Variants in JRK observed in about 807,000 individuals in gnomAD.
The protein encoded by JRK is Jrk helix-turn-helix protein, also known as jerky protein homolog.
For missense variants in JRK, 720 were observed against 509.2 expected, an observed-to-expected ratio of 1.41 and a Z score of -3.98; for synonymous variants, 303 against 218.1, an observed-to-expected ratio of 1.39 and a Z score of -3.43.
intron 1 of JRK, among the ~76,000 whole-genome samples, chr8:142,669,476 C>T (rs1206593099): frequency 6.6e-6 from 1 of 152,158 alleles, no homozygotes; most frequent in Non-Finnish European, 1.5e-5. Context: ...ACCCCAGGGT[C>T]CCCGTTTGTG....
rs185927639 is a variant in JRK at position 142,668,653 on chromosome 8, G to T, written c.-463+1279C>A. Among the ~76,000 whole-genome samples, 11 of 151,770 alleles carry T rather than the reference G, an allele frequency of 7.2e-5. No homozygotes were observed. The East Asian group carries it at 2.2e-3, about 30-fold the overall frequency. ...GACTCAACACCAGACACAGCTCCTC[G>T]CGGACACGTCTCCATGCCTGACATG... On this transcript the variant is annotated intron_variant, in intron 1 of 1. Coordinates refer to ENST00000612905, the MANE Select transcript of JRK (RefSeq NM_003724.4).
rs782738028 is a variant in JRK at position 142,665,850 on chromosome 8, T to G, written c.209A>C (p.Asp70Ala). Residue 70 changes from aspartate (D) to alanine (A), a missense_variant, in exon 2 of 2, where the codon GAC (aspartate) becomes GCC (alanine). Physicochemically the swap from Asp to Ala is moderately radical, Grantham distance 126. Coordinates refer to ENST00000612905, the MANE Select transcript of JRK (RefSeq NM_003724.4). The part of the protein sequence containing the change: ...AQLLRFFASS[D>A]SNKALEQRRT... ...CCGCTGCTCCAGCGCCTTGTTGGAG[T>G]CGGAGCTGGCGAAGAACCGGAGCAG... 1.8e-5 allele frequency: 14 copies of G among 779,842 alleles called. No homozygotes were observed. Among genetic ancestry groups the G allele is most frequent in the African/African-American group, 1.7e-4 (10 of 59,142 alleles). The allele number at this position is 779,842 out of a possible 1,614,324, so 48.3% of individuals were successfully genotyped here. A position where few individuals can be genotyped will look rare whatever the true frequency, so the allele number is the denominator to read the frequency against.
intron 1 of JRK, among the ~76,000 whole-genome samples, chr8:142,669,611 G>A (rs1554636944): frequency 6.6e-6 from 1 of 152,102 alleles, no homozygotes; most frequent in Non-Finnish European, 1.5e-5. Flanking sequence ...GGAAGCGCAG[G>A]AAGGGTCCGG....
In JRK at chr8:142,664,154, A is replaced by C; in HGVS notation, c.*198T>G. On this transcript the variant is annotated 3_prime_UTR_variant, in exon 2 of 2. Coordinates refer to ENST00000612905, the MANE Select transcript of JRK (RefSeq NM_003724.4). Reference sequence around the variant, plus strand: ...CGGATGACACGGCAAGTGATAAAATAAAACCTGTATTGACAGGAACCTCGG... The same window carrying C: ...CGGATGACACGGCAAGTGATAAAATCAAACCTGTATTGACAGGAACCTCGG... 3.7e-6 allele frequency: 5 copies of C among 1,340,080 alleles called. No individual in the cohort carries two copies. Among genetic ancestry groups the C allele is most frequent in the East Asian group, 5.5e-5 (2 of 36,602 alleles). 83.0% of individuals were successfully genotyped at this position (1,340,080 alleles called of 1,614,324 possible).
Position 142,659,667 on chromosome 8 carries a change from A to T in JRK, c.*4685T>A, listed in dbSNP as rs938762658. 1.7e-5 allele frequency: 17 copies of T among 985,590 alleles called. No individual in the cohort carries two copies. Among genetic ancestry groups the T allele is most frequent in the Non-Finnish European group, 2.0e-5 (17 of 830,030 alleles). The allele number at this position is 985,590 out of a possible 1,614,324, so 61.1% of individuals were successfully genotyped here. ...ACTGAAAGGAGGTTCAAGGCCTCAA[A>T]CAAGAGTGGCCCCTAAAACAGTTGG... On this transcript the variant is annotated 3_prime_UTR_variant, in exon 2 of 2. Coordinates refer to ENST00000612905, the MANE Select transcript of JRK (RefSeq NM_003724.4).
the JRK span, among the ~76,000 whole-genome samples, chr8:142,645,689 A>AT: frequency 2.9e-5 from 3 of 105,218 alleles, no homozygotes; most frequent in African/African-American, 8.4e-5. Flanking sequence ...CAGAAAAAAA[A>AT]AATATATATA....
At position 142,665,686 on chromosome 8, in the gene JRK, G is replaced by A. The variant is rs868935116; in HGVS notation, c.373C>T (p.Leu125Phe). ...KAKDFYEQMQ[L>F]TEPCVFSGGW... ...CCGGAGAACACGCAGGGCTCAGTGA[G>A]CTGCATCTGCTCGTAGAAGTCCTTG... The change falls in exon 2 of 2, where the codon CTC (leucine) becomes TTC (phenylalanine). Residue 125 changes from leucine (L) to phenylalanine (F), a missense_variant. Transcript: ENST00000612905. The A allele has an allele frequency of 1.4e-6, 1 of 734,726 alleles. No individual in the cohort carries two copies. Among genetic ancestry groups the A allele is most frequent in the Non-Finnish European group, 2.5e-6 (1 of 394,282 alleles). The allele number at this position is 734,726 out of a possible 1,614,324, so 45.5% of individuals were successfully genotyped here.
At chr8:142,645,193 G>C in the JRK span, among the ~76,000 whole-genome samples, 83,379 of 151,910 alleles carry the variant, frequency 0.55, 24,206 homozygotes, top group Admixed American at 0.66. Flanking sequence ...AGCAGGACTT[G>C]GTGTTCTTTT....
chr8:142,669,562 A>G (rs1168951694), intron 1 of JRK, among the ~76,000 whole-genome samples: 3 of 152,202 alleles, frequency 2.0e-5, no homozygotes, highest in Non-Finnish European at 4.4e-5. Flanking sequence ...CTGGTTTTTT[A>G]AGGGCAAGCG....
Position 142,664,685 on chromosome 8 carries a change from TGGCGACGTGGCAGCAG to T in JRK, c.1358_1373del (p.Pro453GlnfsTer71). The T allele has an allele frequency of 1.2e-6, 2 of 1,610,480 alleles. No homozygotes were observed. The highest frequency in any genetic ancestry group is 1.7e-6 in the Non-Finnish European group (2 of 1,178,802). On this transcript the variant is annotated frameshift_variant, in exon 2 of 2. Transcript: ENST00000612905. LOFTEE classifies it low-confidence loss of function (END_TRUNC). ...TTTCTGAACTCCACACAACCTCTGC[TGGCGACGTGGCAGCAG>T]GGGGCCGTCCCCCTTCTGCCTCCCT...
rs1179550912 is a variant in JRK, at chr8:142,664,408, A to T, written c.1651T>A (p.Cys551Ser). The change falls in exon 2 of 2, where the codon TGT becomes AGT. Residue 551 changes from cysteine (C) to serine (S), a missense_variant. Coordinates refer to ENST00000612905, the MANE Select transcript of JRK (RefSeq NM_003724.4). ...AAGGGAGACTGAGCTGTGGCCCCAC[A>T]GCCACCAGGGCCCTCCTGGAGGGCT... ...VEALQEGPGG[C>S]GATAQSPLPC... The T allele has an allele frequency of 1.3e-6, 2 of 1,599,464 alleles. No homozygotes were observed. Among genetic ancestry groups the T allele is most frequent in the East Asian group, 4.5e-5 (2 of 44,522 alleles).
At chr8:142,666,897 G>A (rs933036474) in intron 1 of JRK, among the ~76,000 whole-genome samples, 9 of 152,144 alleles carry the variant, frequency 5.9e-5, no homozygotes, top group Non-Finnish European at 1.3e-4. Context: ...CCTCCCACCC[G>A]CCCAGCCTAA....
At chr8:142,648,196 C>T in the JRK span, among the ~76,000 whole-genome samples, 1 of 152,156 alleles carries the variant, frequency 6.6e-6, no homozygotes, top group African/African-American at 2.4e-5. Context: ...AAATTTGCAA[C>T]CTGACAATGT....
chr8:142,652,620 G>A (rs80023677), downstream of JRK, among the ~76,000 whole-genome samples: 6,563 of 152,158 alleles, frequency 0.043, 150 homozygotes, highest in Non-Finnish European at 0.053. Flanking sequence ...CCTCCCCACC[G>A]AACTTGAAAA....
In JRK at chr8:142,664,170, G is replaced by A. The variant is rs987107682; in HGVS notation, c.*182C>T. 2 of 1,362,332 alleles carry A rather than the reference G, an allele frequency of 1.5e-6. No individual in the cohort carries two copies. Among genetic ancestry groups the A allele is most frequent in the South Asian group, 2.1e-5 (1 of 46,524 alleles). The allele number at this position is 1,362,332 out of a possible 1,614,324, so 84.4% of individuals were successfully genotyped here. On this transcript the variant is annotated 3_prime_UTR_variant, in exon 2 of 2. Coordinates refer to ENST00000612905, the MANE Select transcript of JRK (RefSeq NM_003724.4). ...TGATAAAATAAAACCTGTATTGACA[G>A]GAACCTCGGGCACAGACCGTCCTGG...
the JRK span, among the ~76,000 whole-genome samples, chr8:142,646,490 A>G: frequency 6.6e-6 from 1 of 152,332 alleles, no homozygotes; most frequent in Middle Eastern, 3.4e-3. Context: ...GCAAAAAATC[A>G]TTGTTTTGGG....
In JRK at chr8:142,658,981, G is replaced by A. The variant is rs76505890; in HGVS notation, c.*5371C>T. ...GAACTTTGCTGCTTCATGGAGGAGC[G>A]TCAGTATGTCCACACCATAGGGGTG... On this transcript the variant is annotated 3_prime_UTR_variant, in exon 2 of 2. Coordinates refer to ENST00000612905, the MANE Select transcript of JRK (RefSeq NM_003724.4). 1.1e-3 allele frequency: 1,752 copies of A among 1,600,104 alleles called. 16 individuals carry two copies. In the African/African-American group the frequency reaches 0.021, roughly 19 times the overall value.
Position 142,666,384 on chromosome 8 carries a change from C to T in JRK, c.-326G>A, listed in dbSNP as rs1385091739. ...TCTGCTGCTCCACACGGCTGGAACT[C>T]CGGCCTTCTCTGTGGATACTATGGC... On this transcript the variant is annotated 5_prime_UTR_variant, in exon 2 of 2. Transcript: ENST00000612905. 3.9e-5 allele frequency: 18 copies of T among 455,722 alleles called. No individual in the cohort carries two copies. Among genetic ancestry groups the T allele is most frequent in the Non-Finnish European group, 6.4e-5 (15 of 236,156 alleles). 28.2% of individuals were successfully genotyped at this position (455,722 alleles called of 1,614,324 possible). A position where few individuals can be genotyped will look rare whatever the true frequency, so the allele number is the denominator to read the frequency against.
chr8:142,659,902 T>G lies in JRK; in HGVS notation c.*4450A>C. The G allele has an allele frequency of 1.0e-6, 1 of 985,534 alleles. No homozygotes were observed. Among genetic ancestry groups the G allele is most frequent in the Non-Finnish European group, 1.2e-6 (1 of 829,984 alleles). The allele number at this position is 985,534 out of a possible 1,614,324, so 61.0% of individuals were successfully genotyped here. The stretch of plus-strand genomic sequence containing the variant: ...ACAGGAGTGACCCCACCTCATTTCA[T>G]GTCATCATCACTGCCCTGCAAGGGA... On this transcript the variant is annotated 3_prime_UTR_variant, in exon 2 of 2. Transcript: ENST00000612905.
Sources: allele counts gnomAD v4.1 joint callset (sites outside exome capture counted in the v4.1 genomes callset), GRCh38; gene constraint gnomAD v4.1.1; transcripts MANE v1.5; gene names NCBI Gene and HGNC (gene_info 2026-07-23, HGNC 2026-07-21).